SULF2: variants seen among roughly 807,000 people sequenced by gnomAD.
SULF2 encodes sulfatase 2.
In SULF2, 52 loss-of-function variants were observed where a neutral mutation model predicts 107.7. That is an observed-to-expected ratio of 0.48 (90% CI 0.39 to 0.61). SULF2 has a LOEUF of 0.61. SULF2 is among the 20% of genes least tolerant of loss of function. SULF2 has a pLI of 0.00. For synonymous variants in SULF2, 460 were observed against 464.3 expected (o/e 0.99, Z 0.12); for missense variants, 993 against 1,177.3 (o/e 0.84, Z 2.29).
At chr20:47,763,634 C>T (rs1568919441) in intron 1 of SULF2, among the ~76,000 whole-genome samples, 2 of 152,156 alleles carry the variant, frequency 1.3e-5, no homozygotes, top group Admixed American at 6.5e-5. Flanking sequence ...GCCAGAGCCC[C>T]GCAACAGACC....
At chr20:47,740,907 G>A (rs879806502) in intron 2 of SULF2, among the ~76,000 whole-genome samples, 3 of 152,018 alleles carry the variant, frequency 2.0e-5, no homozygotes, top group Admixed American at 1.3e-4. Context: ...TCCTCCCGAA[G>A]CCACTCCCCT....
At chr20:47,677,656 G>A (rs1314552176) in intron 8 of SULF2, among the ~76,000 whole-genome samples, 1 of 152,184 alleles carries the variant, frequency 6.6e-6, no homozygotes, top group Non-Finnish European at 1.5e-5. Flanking sequence ...CTTTGCAGTT[G>A]CATGTATGTA....
chr20:47,785,972 A>C (rs1034718772), upstream of SULF2: 24 of 152,204 alleles, frequency 1.6e-4, no homozygotes, highest in African/African-American at 5.8e-4. Context: ...CGACCTCCCG[A>C]TGCCTCCGGA....
rs1342480404 is a variant in SULF2 at position 47,731,182 on chromosome 20, C to CTTTTTTTT, written c.415+5520_415+5521insAAAAAAAA. ...GACTCTGCCTGCTACTCACCTGTAT[C>CTTTTTTTT]TTCTCTTTTTTTTTTTTTTTTTTTT... On this transcript the variant is annotated intron_variant, in intron 3 of 20. Transcript: ENST00000688720. Among the ~76,000 whole-genome samples, 9 of 99,612 alleles carry CTTTTTTTT rather than the reference C, an allele frequency of 9.0e-5. 1 individual carries two copies. The highest frequency in any genetic ancestry group is 3.4e-4 in the South Asian group (1 of 2,936). The allele number at this position is 99,612 out of a possible 152,430, so 65.3% of individuals were successfully genotyped here. A position where few individuals can be genotyped will look rare whatever the true frequency, so the allele number is the denominator to read the frequency against.
intron 3 of SULF2, among the ~76,000 whole-genome samples, chr20:47,704,725 A>C (rs1397577000): frequency 6.6e-6 from 1 of 152,258 alleles, no homozygotes; most frequent in Non-Finnish European, 1.5e-5. Flanking sequence ...CTGAGAGCAC[A>C]GAATATGAGC....
chr20:47,674,314 A>C (rs2087570482), intron 10 of SULF2, among the ~76,000 whole-genome samples: 1 of 152,172 alleles, frequency 6.6e-6, no homozygotes, highest in Non-Finnish European at 1.5e-5. Flanking sequence ...TGGGGTCCCT[A>C]CAGCTGCTGA....
At chr20:47,673,061 C>T (rs776030730) in intron 10 of SULF2, among the ~76,000 whole-genome samples, 7 of 152,194 alleles carry the variant, frequency 4.6e-5, no homozygotes, top group Admixed American at 2.0e-4. Context: ...TGTGGTCAGA[C>T]GCTGAATGTA....
At chr20:47,737,875 G>T (rs2089783116) in intron 2 of SULF2, among the ~76,000 whole-genome samples, 1 of 139,768 alleles carries the variant, frequency 7.2e-6, no homozygotes. Context: ...CGATTCCCCT[G>T]CCTCAGCCTC....
intron 2 of SULF2, among the ~76,000 whole-genome samples, chr20:47,752,865 G>T (rs1020220807): frequency 1.3e-5 from 2 of 152,122 alleles, no homozygotes; most frequent in African/African-American, 4.8e-5. Flanking sequence ...ATTTTGGGAG[G>T]CCGAGGCGGC....
At chr20:47,742,645 G>C (rs1016766542) in intron 2 of SULF2, among the ~76,000 whole-genome samples, 1 of 152,120 alleles carries the variant, frequency 6.6e-6, no homozygotes, top group Admixed American at 6.5e-5. Flanking sequence ...TTTGATATTT[G>C]TATTTAACGT....
intron 3 of SULF2, among the ~76,000 whole-genome samples, chr20:47,708,239 G>T (rs2088813009): frequency 6.6e-6 from 1 of 152,230 alleles, no homozygotes; most frequent in South Asian, 2.1e-4. Context: ...TGCTGTGAGA[G>T]GCCTCGCTGG....
chr20:47,713,627 G>A (rs2089007076), intron 3 of SULF2, among the ~76,000 whole-genome samples: 1 of 152,078 alleles, frequency 6.6e-6, no homozygotes, highest in Non-Finnish European at 1.5e-5. Context: ...GCTCATGCCT[G>A]TAATCCAAGC....
Position 47,757,464 on chromosome 20 carries a change from C to A in SULF2, c.-100-1G>T. 7.5e-7 allele frequency: 1 copy of A among 1,328,148 alleles called. No homozygotes were observed. 82.3% of individuals were successfully genotyped at this position (1,328,148 alleles called of 1,614,324 possible). A position where few individuals can be genotyped will look rare whatever the true frequency, so the allele number is the denominator to read the frequency against. On this transcript the variant is annotated splice_acceptor_variant, in intron 1 of 20. Transcript: ENST00000688720. LOFTEE classifies it low-confidence loss of function (5UTR_SPLICE). ...CCCTCGTCCCTCTTCACTCGCAGAT[C>A]TAGAGGAGGAGGAAGAATCAGGTCA...
intron 2 of SULF2, among the ~76,000 whole-genome samples, chr20:47,740,710 A>C (rs2089857728): frequency 6.6e-6 from 1 of 152,214 alleles, no homozygotes; most frequent in East Asian, 1.9e-4. Context: ...AGTGGCACAC[A>C]GATATATGAT....
At position 47,678,959 on chromosome 20, in the gene SULF2, C is replaced by T. The variant is rs897217758; in HGVS notation, c.1065-155G>A. ...TCTGGCACCTCAACCTCAGCAGCTC[C>T]CCTCTGCGGCCCAGATTCAGCTGAA... is the stretch of plus-strand genomic sequence containing the variant. On this transcript the variant is annotated intron_variant, in intron 7 of 20. Coordinates refer to ENST00000688720, the MANE Select transcript of SULF2 (RefSeq NM_001387048.1). The surrounding 1 kb of genome is among the most constrained non-coding windows in gnomAD (Gnocchi z 4.5). 5.3e-5 allele frequency among the ~76,000 whole-genome samples: 8 copies of T among 151,954 alleles called. No homozygotes were observed. The highest frequency in any genetic ancestry group is 1.2e-4 in the Non-Finnish European group (8 of 67,980).
chr20:47,699,743 A>C (rs1184461823), intron 4 of SULF2, among the ~76,000 whole-genome samples: 1 of 152,204 alleles, frequency 6.6e-6, no homozygotes, highest in East Asian at 1.9e-4. Flanking sequence ...TTAGTTGCCA[A>C]TATTTACCAA....
chr20:47,768,694 A>T (rs185095414), intron 1 of SULF2, among the ~76,000 whole-genome samples: 73 of 152,306 alleles, frequency 4.8e-4, no homozygotes, highest in African/African-American at 1.6e-3. Flanking sequence ...TGGGTGTGGG[A>T]ATCACAAATT....
intron 13 of SULF2, 129 bp downstream of exon 13, chr20:47,665,728 T>C: frequency 1.4e-6 from 1 of 722,042 alleles, no homozygotes; most frequent in Non-Finnish European, 2.4e-6. Flanking sequence ...TTGAGGAATC[T>C]GTGGGGACCT....
chr20:47,780,611 T>C (rs1463198003), intron 1 of SULF2, among the ~76,000 whole-genome samples: 1 of 152,082 alleles, frequency 6.6e-6, no homozygotes, highest in East Asian at 1.9e-4. Context: ...TGGAGTGCAG[T>C]AGTGCGATCT....
Sources: gnomAD v4.1 joint callset for allele counts (sites outside exome capture counted in the v4.1 genomes callset) on GRCh38, gnomAD v4.1.1 for gene constraint, Gnocchi (gnomAD v3.1) non-coding constraint, MANE v1.5 for transcripts, NCBI Gene and HGNC (gene_info 2026-07-23, HGNC 2026-07-21) for gene names.